The following SLC10A7 variants were observed in gnomAD, a reference collection of about 807,000 sequenced individuals.
SLC10A7 encodes the protein solute carrier family 10 member 7, also known as sodium/bile acid cotransporter 7.
In SLC10A7, 29 loss-of-function variants were observed where a neutral mutation model predicts 43.2. The ratio of observed to expected loss-of-function variants is 0.67; its 90% confidence interval spans 0.50 to 0.92. The LOEUF is 0.92. Ranked by LOEUF, SLC10A7 falls within the 40% of genes least tolerant of loss-of-function variation. The pLI, the probability that SLC10A7 is intolerant of heterozygous loss-of-function variation, is 0.00. For synonymous variants in SLC10A7, 152 were observed against 144.8 expected, an observed-to-expected ratio of 1.05 and a Z score of -0.35; for missense variants, 295 against 403.2, an observed-to-expected ratio of 0.73 and a Z score of 2.30.
chr4:146,401,142 G>A (rs899562373), intron 5 of SLC10A7, among the ~76,000 whole-genome samples: 3 of 152,126 alleles, frequency 2.0e-5, no homozygotes, highest in Non-Finnish European at 4.4e-5. Flanking sequence ...TGATCAATCA[G>A]TATTTTTCTG....
chr4:146,256,622 G>T, intron 11 of SLC10A7, 102 bp from the exon 12 acceptor site: 1 of 1,306,956 alleles, frequency 7.7e-7, no homozygotes, highest in Non-Finnish European at 1.1e-6. Context: ...GGAAGAAGAG[G>T]CCCACCCAGA....
rs992100424 is a variant in SLC10A7 at position 146,273,566 on chromosome 4, C to T, written c.847+9626G>A. Among the ~76,000 whole-genome samples, 8 of 152,010 alleles carry T rather than the reference C, an allele frequency of 5.3e-5. No individual in the cohort carries two copies. In the South Asian group the frequency reaches 1.7e-3, roughly 32 times the overall value. On this transcript the variant is annotated intron_variant, in intron 10 of 11. Coordinates refer to ENST00000335472, the MANE Select transcript of SLC10A7 (RefSeq NM_001029998.6). ...TGTATGGGAAGTACCTAGTATAGTA[C>T]CTGGCATAGAGTGAGCATCCCCAAA...
intron 4 of SLC10A7, among the ~76,000 whole-genome samples, chr4:146,479,553 T>C (rs1734289917): frequency 6.6e-6 from 1 of 152,158 alleles, no homozygotes; most frequent in Non-Finnish European, 1.5e-5. Context: ...TTATATGAGG[T>C]TTCTAGAATA....
At chr4:146,310,940 A>C (rs527371367) in intron 6 of SLC10A7, among the ~76,000 whole-genome samples, 1 of 116,458 alleles carries the variant, frequency 8.6e-6, no homozygotes, top group African/African-American at 3.3e-5. Flanking sequence ...TTTTGTGCCT[A>C]TGTGAAAGAC....
chr4:146,305,746 G>C (rs1007281989), intron 7 of SLC10A7, among the ~76,000 whole-genome samples, 180 bp downstream of exon 7: 1 of 151,938 alleles, frequency 6.6e-6, no homozygotes, highest in African/African-American at 2.4e-5. Context: ...AAGCAGATTA[G>C]TATTAATTTA....
intron 6 of SLC10A7, among the ~76,000 whole-genome samples, chr4:146,308,868 C>G (rs1429066609): frequency 2.0e-5 from 3 of 152,156 alleles, no homozygotes; most frequent in East Asian, 3.9e-4. Flanking sequence ...AGAAATCATT[C>G]ATGAAAATTC....
At chr4:146,514,688 G>A (rs185508230) in intron 2 of SLC10A7, 74 of 155,336 alleles carry the variant, frequency 4.8e-4, no homozygotes, top group Non-Finnish European at 8.0e-4. Context: ...ACTGTCTCTT[G>A]TATGCAAAAA....
intron 4 of SLC10A7, among the ~76,000 whole-genome samples, chr4:146,466,891 G>C (rs879507955): frequency 3.3e-5 from 5 of 152,108 alleles, no homozygotes; most frequent in African/African-American, 1.2e-4. Context: ...GAGACCTTAG[G>C]AGGAAAGCCT....
Position 146,443,402 on chromosome 4 carries a change from AG to A in SLC10A7, c.397-582del, listed in dbSNP as rs565968593. Among the ~76,000 whole-genome samples the A allele has an allele frequency of 4.2e-4, 64 of 152,334 alleles. No homozygotes were observed. The East Asian group carries it at 0.012, about 29-fold the overall frequency. ...CTCCAATTTGGTGTTCAAAATTCAA[AG>A]AAAAAATATTTGACTCTCTGCTTAC... On this transcript the variant is annotated intron_variant, in intron 4 of 11. Coordinates refer to ENST00000335472, the MANE Select transcript of SLC10A7 (RefSeq NM_001029998.6).
chr4:146,272,453 G>A (rs985552511), intron 10 of SLC10A7, among the ~76,000 whole-genome samples: 1 of 152,130 alleles, frequency 6.6e-6, no homozygotes, highest in Non-Finnish European at 1.5e-5. Flanking sequence ...GTTTGGATGG[G>A]GCTGTAAATG....
intron 2 of SLC10A7, chr4:146,514,119 G>C (rs1737734231): frequency 6.6e-6 from 1 of 152,196 alleles, no homozygotes; most frequent in African/African-American, 2.4e-5. Flanking sequence ...CATTTGCTGA[G>C]AGTCAGGCTC....
In SLC10A7 at chr4:146,342,089, T is replaced by C. The variant is rs577237404; in HGVS notation, c.436-16093A>G. Among the ~76,000 whole-genome samples, 10 of 151,944 alleles carry C rather than the reference T, an allele frequency of 6.6e-5. No homozygotes were observed. In the South Asian group the frequency reaches 1.2e-3, roughly 19 times the overall value. On this transcript the variant is annotated intron_variant, in intron 5 of 11. Coordinates refer to ENST00000335472, the MANE Select transcript of SLC10A7 (RefSeq NM_001029998.6). ...CATCTAGCCTAGCGTTCTTAACTTA[T>C]TCAAATTTATACAGTTTTCTTAAGA...
At chr4:146,350,915 A>C (rs1389397090) in intron 5 of SLC10A7, among the ~76,000 whole-genome samples, 18 of 144,456 alleles carry the variant, frequency 1.2e-4, no homozygotes, top group Admixed American at 6.1e-4. Flanking sequence ...AAGTAGATAA[A>C]ACCACAAAGA....
chr4:146,441,950 A>ATTTAC (rs1730634601), intron 5 of SLC10A7: 1 of 981,382 alleles, frequency 1.0e-6, no homozygotes, highest in Non-Finnish European at 1.2e-6. Context: ...AGACTCATGA[A>ATTTAC]CTAGTTTATA....
intron 5 of SLC10A7, among the ~76,000 whole-genome samples, chr4:146,355,663 G>T (rs1344271487): frequency 6.6e-6 from 1 of 151,926 alleles, no homozygotes; most frequent in Non-Finnish European, 1.5e-5. Context: ...TGATAGACTG[G>T]ATTAAGAAAA....
intron 5 of SLC10A7, among the ~76,000 whole-genome samples, chr4:146,380,509 A>C (rs1384887550): frequency 6.6e-6 from 1 of 152,146 alleles, no homozygotes; most frequent in Non-Finnish European, 1.5e-5. Flanking sequence ...ATACCTTTTT[A>C]GTTTTAAAAG....
chr4:146,456,216 G>A (rs552799920), intron 4 of SLC10A7, among the ~76,000 whole-genome samples: 1 of 151,820 alleles, frequency 6.6e-6, no homozygotes, highest in African/African-American at 2.4e-5. Context: ...AAACAGTAAA[G>A]AAAAATCACT....
At chr4:146,465,292 T>C (rs1234352244) in intron 4 of SLC10A7, among the ~76,000 whole-genome samples, 2 of 152,154 alleles carry the variant, frequency 1.3e-5, no homozygotes, top group Non-Finnish European at 2.9e-5. Flanking sequence ...GAATATACTT[T>C]TGCTTTTAAA....
At chr4:146,515,470 C>A (rs759165892) in intron 2 of SLC10A7, among the ~76,000 whole-genome samples, 1 of 152,098 alleles carries the variant, frequency 6.6e-6, no homozygotes, top group Non-Finnish European at 1.5e-5. Context: ...ATATTGTTTA[C>A]CAAAATTGGA....
Sources: gnomAD v4.1 joint callset for allele counts (sites outside exome capture counted in the v4.1 genomes callset) on GRCh38, gnomAD v4.1.1 for gene constraint, MANE v1.5 for transcripts, NCBI Gene and HGNC (gene_info 2026-07-23, HGNC 2026-07-21) for gene names.